RNMT: variants seen among roughly 807,000 people sequenced by gnomAD.
RNMT encodes the protein RNA guanine-7 methyltransferase.
A neutral mutation model predicts 56.0 loss-of-function variants in RNMT; 27 were observed. The ratio of observed to expected loss-of-function variants is 0.48; its 90% CI spans 0.36 to 0.67. The LOEUF is 0.67. Ranked by LOEUF, RNMT falls within the 30% of genes least tolerant of loss-of-function variation. The pLI is 0.00. For missense variants in RNMT, 519 were observed against 552.1 expected (o/e 0.94, Z 0.60); for synonymous variants, 184 against 176.2 (o/e 1.04, Z -0.35).
intron 1 of RNMT, among the ~76,000 whole-genome samples, chr18:13,728,726 G>A (rs556525910): frequency 1.8e-4 from 27 of 152,154 alleles, no homozygotes; most frequent in Middle Eastern, 3.4e-3. Flanking sequence ...GCATTTCCCT[G>A]ATATTACTGA....
Position 13,751,935 on chromosome 18 carries a change from A to G in RNMT, c.1258-391A>G, listed in dbSNP as rs1404210393. 6.6e-5 allele frequency among the ~76,000 whole-genome samples: 10 copies of G among 151,962 alleles called. No homozygotes were observed. The East Asian group carries it at 1.7e-3, about 26-fold the overall frequency. The stretch of plus-strand genomic sequence containing the variant: ...TTGAGCAATGAGAACACATGGACAC[A>G]GGAAGGGGAACATCACACACCGGGG... On this transcript the variant is annotated intron_variant, in intron 9 of 11. Transcript: ENST00000383314.
chr18:13,732,855 G>A (rs139422633), intron 3 of RNMT, among the ~76,000 whole-genome samples: 2,140 of 142,586 alleles, frequency 0.015, 57 homozygotes, highest in African/African-American at 0.052. Context: ...TCCACCTCCC[G>A]GGTTCAAGCG....
In RNMT at chr18:13,731,558, C is replaced by T. The variant is rs1035919752; in HGVS notation, c.41C>T (p.Ser14Phe). The stretch of plus-strand genomic sequence containing the variant: ...AAAGCAGAAGAATATGAAAAGATGT[C>T]TCTTGAACAGGCAAAAGCGTCAGTG... The part of the protein sequence containing the change: ...SAKAEEYEKM[S>F]LEQAKASVNS... Residue 14 changes from serine to phenylalanine, a missense_variant, in exon 3 of 12, where the codon TCT becomes TTT. Ser to Phe is a radical substitution (Grantham distance 155). Coordinates refer to ENST00000383314, the MANE Select transcript of RNMT (RefSeq NM_003799.3). 4 of 1,608,896 alleles carry T rather than the reference C, an allele frequency of 2.5e-6. No individual in the cohort carries two copies. Among genetic ancestry groups the T allele is most frequent in the Non-Finnish European group, 3.4e-6 (4 of 1,178,638 alleles).
At position 13,756,713 on chromosome 18, in the gene RNMT, G is replaced by A. The variant is rs142832803; in HGVS notation, c.1393+2566G>A. 4.8e-3 allele frequency among the ~76,000 whole-genome samples: 729 copies of A among 152,302 alleles called. 8 individuals are homozygous for A. The highest frequency in any genetic ancestry group is 0.017 in the African/African-American group (693 of 41,568). ...GTAGTATTTTGGAAAAACTGCTATG[G>A]TGTTCCTGTACAAGTTGGGTTGGAA... is the stretch of plus-strand genomic sequence containing the variant. On this transcript the variant is annotated intron_variant, in intron 11 of 11. Coordinates refer to ENST00000383314, the MANE Select transcript of RNMT (RefSeq NM_003799.3).
At chr18:13,745,749 A>T (rs1234768487) in intron 8 of RNMT, among the ~76,000 whole-genome samples, 1 of 151,230 alleles carries the variant, frequency 6.6e-6, no homozygotes, top group East Asian at 1.9e-4. Context: ...GTAAAAAAAA[A>T]CCTGTAAGTG....
At chr18:13,742,044 A>C (rs570182093) in intron 7 of RNMT, among the ~76,000 whole-genome samples, 1 of 152,358 alleles carries the variant, frequency 6.6e-6, no homozygotes, top group East Asian at 1.9e-4. Flanking sequence ...GCTTCTTAAA[A>C]GTAGCTCAAA....
At chr18:13,735,218 A>G (rs2149086036) in intron 4 of RNMT, among the ~76,000 whole-genome samples, 1 of 152,240 alleles carries the variant, frequency 6.6e-6, no homozygotes, top group South Asian at 2.1e-4. Flanking sequence ...CATAATAAAG[A>G]TTTTTTTAAA....
chr18:13,729,159 A>G (rs1002055062), intron 1 of RNMT, among the ~76,000 whole-genome samples: 1 of 152,176 alleles, frequency 6.6e-6, no homozygotes, highest in African/African-American at 2.4e-5. Context: ...GGTGAGAGAG[A>G]GTGGTCTAGA....
At chr18:13,756,562 C>A (rs1235567019) in intron 11 of RNMT, among the ~76,000 whole-genome samples, 1 of 152,174 alleles carries the variant, frequency 6.6e-6, no homozygotes, top group Non-Finnish European at 1.5e-5. Context: ...GCTTTGTCTC[C>A]TTACCTTCTG....
Position 13,728,300 on chromosome 18 carries a change from C to CT in RNMT, c.-172+1602dup, listed in dbSNP as rs1204415985. Among the ~76,000 whole-genome samples the CT allele has an allele frequency of 2.6e-4, 29 of 109,616 alleles. 1 individual carries two copies. Among genetic ancestry groups the CT allele is most frequent in the Middle Eastern group, 5.9e-3 (1 of 170 alleles). 71.9% of individuals were successfully genotyped at this position (109,616 alleles called of 152,430 possible). On this transcript the variant is annotated intron_variant, in intron 1 of 11. Coordinates refer to ENST00000383314, the MANE Select transcript of RNMT (RefSeq NM_003799.3). Reference sequence around the variant, plus strand: ...CTGCATCCTGCATCCTCATCAGCATCTTTTTTTTTTTTTTTTTTTTTTTTT... The same window carrying CT: ...CTGCATCCTGCATCCTCATCAGCATCTTTTTTTTTTTTTTTTTTTTTTTTTT...
intron 9 of RNMT, among the ~76,000 whole-genome samples, chr18:13,749,821 C>A (rs1032507987): frequency 5.6e-5 from 8 of 142,872 alleles, no homozygotes; most frequent in Non-Finnish European, 1.5e-5. Flanking sequence ...ACCCCTTCCC[C>A]CCGACCCTTC....
At position 13,730,655 on chromosome 18, in the gene RNMT, A is replaced by G. The variant is rs757265536; in HGVS notation, c.-143A>G. The G allele has an allele frequency of 2.0e-5, 3 of 152,226 alleles. No homozygotes were observed. Among genetic ancestry groups the G allele is most frequent in the African/African-American group, 7.2e-5 (3 of 41,454 alleles). The allele number at this position is 152,226 out of a possible 1,614,324, so 9.4% of individuals were successfully genotyped here. A position where few individuals can be genotyped will look rare whatever the true frequency, so the allele number is the denominator to read the frequency against. On this transcript the variant is annotated 5_prime_UTR_variant, in exon 2 of 12. Coordinates refer to ENST00000383314, the MANE Select transcript of RNMT (RefSeq NM_003799.3). ...GTGTGAACCTATTGGGTACTGTACA[A>G]CTTCAAGCCTCGAAATCAGATAGGC...
chr18:13,744,868 A>G (rs567899397), intron 8 of RNMT, among the ~76,000 whole-genome samples: 29 of 152,284 alleles, frequency 1.9e-4, no homozygotes, highest in Non-Finnish European at 3.8e-4. Context: ...CTACAGATAC[A>G]TGATTATAAA....
chr18:13,763,888 G>A lies in RNMT; in HGVS notation c.*3909G>A, dbSNP rs1450219373. On this transcript the variant is annotated 3_prime_UTR_variant, in exon 12 of 12. Transcript: ENST00000383314. ...TCAAAACGTTGATACTTACTTAGATGTTCCCTGAGAGGAGTGTTTATTTCT... is the reference window on the plus strand; with the variant it reads ...TCAAAACGTTGATACTTACTTAGATATTCCCTGAGAGGAGTGTTTATTTCT... 1 of 152,358 alleles carries A rather than the reference G, an allele frequency of 6.6e-6. No homozygotes were observed. The highest frequency in any genetic ancestry group is 1.5e-5 in the Non-Finnish European group (1 of 68,146). 9.4% of individuals were successfully genotyped at this position (152,358 alleles called of 1,614,324 possible).
Position 13,731,570 on chromosome 18 carries a change from CA to C in RNMT, c.57del (p.Ala20ArgfsTer3). 1 of 1,612,310 alleles carries C rather than the reference CA, an allele frequency of 6.2e-7. No homozygotes were observed. On this transcript the variant is annotated frameshift_variant, in exon 3 of 12. Coordinates refer to ENST00000383314, the MANE Select transcript of RNMT (RefSeq NM_003799.3). LOFTEE classifies it high-confidence loss of function. ...TATGAAAAGATGTCTCTTGAACAGG[CA>C]AAAGCGTCAGTGAATTCTGAAACAG... The part of the protein sequence containing the change: ...EEYEKMSLEQ[A>X]KASVNSETES...
chr18:13,733,516 T>TA (rs1395547822), intron 3 of RNMT, among the ~76,000 whole-genome samples: 1 of 152,100 alleles, frequency 6.6e-6, no homozygotes, highest in Non-Finnish European at 1.5e-5. Context: ...TAGCTGGAAT[T>TA]ACAGGTGTGC....
intron 10 of RNMT, 60 bp from the exon 11 acceptor site, chr18:13,754,054 A>G: frequency 1.1e-6 from 1 of 905,606 alleles, no homozygotes; most frequent in Non-Finnish European, 1.8e-6. Flanking sequence ...ATTTAGAAAT[A>G]AGCATATGTT....
intron 4 of RNMT, among the ~76,000 whole-genome samples, chr18:13,735,636 G>T (rs2044146004): frequency 6.7e-6 from 1 of 149,786 alleles, no homozygotes. Flanking sequence ...ATAACTTATT[G>T]GATTTTTTAT....
intron 11 of RNMT, among the ~76,000 whole-genome samples, chr18:13,755,978 C>T (rs895699702): frequency 3.3e-5 from 5 of 152,204 alleles, no homozygotes; most frequent in Admixed American, 6.5e-5. Context: ...AATTGCACCT[C>T]GGGTGTAGCA....
Sources: gnomAD v4.1 joint callset for allele counts (sites outside exome capture counted in the v4.1 genomes callset) on GRCh38, gnomAD v4.1.1 for gene constraint, MANE v1.5 for transcripts, NCBI Gene and HGNC (gene_info 2026-07-23, HGNC 2026-07-21) for gene names.